The following CCSER1 variants were observed in gnomAD, a reference collection of about 807,000 sequenced individuals.
CCSER1 encodes coiled-coil serine rich protein 1, also known as serine-rich coiled-coil domain-containing protein 1.
In CCSER1, 41 loss-of-function variants were observed where a neutral mutation model predicts 82.0. The ratio of observed to expected loss-of-function variants is 0.50; its 90% confidence interval spans 0.39 to 0.65. The LOEUF (loss-of-function observed/expected upper bound fraction) is 0.65. CCSER1 is among the 30% of genes least tolerant of loss of function. CCSER1 has a pLI of 0.00. For synonymous variants in CCSER1, 414 were observed against 383.9 expected (o/e 1.08, Z -0.92); for missense variants, 1,119 against 1,064.2 (o/e 1.05, Z -0.72).
At chr4:91,483,474 C>T (rs1758054449) in intron 10 of CCSER1, among the ~76,000 whole-genome samples, 1 of 151,408 alleles carries the variant, frequency 6.6e-6, no homozygotes, top group African/African-American at 2.4e-5. Flanking sequence ...CTTGCTCTGT[C>T]ACCCAGGTTG....
At chr4:91,397,596 G>A (rs1329744249) in intron 10 of CCSER1, among the ~76,000 whole-genome samples, 1 of 151,830 alleles carries the variant, frequency 6.6e-6, no homozygotes, top group Admixed American at 6.6e-5. Context: ...TAAAGAGCAG[G>A]TATCATGATT....
intron 10 of CCSER1, among the ~76,000 whole-genome samples, chr4:91,318,569 A>G (rs1302208028): frequency 6.6e-6 from 1 of 152,036 alleles, no homozygotes; most frequent in East Asian, 1.9e-4. Context: ...TTAACCAAAT[A>G]AGATTATTGT....
At chr4:90,159,202 TTTATTA>T (rs960867070) in intron 1 of CCSER1, among the ~76,000 whole-genome samples, 1 of 151,538 alleles carries the variant, frequency 6.6e-6, no homozygotes, top group Non-Finnish European at 1.5e-5. Context: ...ACTGGTTAAT[TTTATTA>T]TTATTATTAT....
At chr4:91,450,313 A>C (rs1228420396) in intron 10 of CCSER1, among the ~76,000 whole-genome samples, 1 of 152,086 alleles carries the variant, frequency 6.6e-6, no homozygotes, top group Non-Finnish European at 1.5e-5. Flanking sequence ...AACCATCAAA[A>C]CAAGCATGAC....
At chr4:91,408,107 T>G (rs1162981471) in intron 10 of CCSER1, among the ~76,000 whole-genome samples, 2 of 151,878 alleles carry the variant, frequency 1.3e-5, no homozygotes, top group Non-Finnish European at 2.9e-5. Context: ...ATGTCTAGAG[T>G]ACAACAGCCT....
chr4:91,325,188 A>T (rs1183138550), intron 10 of CCSER1: 2 of 456,036 alleles, frequency 4.4e-6, no homozygotes, highest in Non-Finnish European at 8.8e-6. Context: ...TCACCAGCAT[A>T]GTAGGTGGCT....
At chr4:91,218,610 T>C (rs539761114) in intron 10 of CCSER1, among the ~76,000 whole-genome samples, 1 of 152,356 alleles carries the variant, frequency 6.6e-6, no homozygotes, top group East Asian at 1.9e-4. Context: ...AACACTAGTG[T>C]ACTTTGAGGA....
chr4:91,587,267 C>T (rs1206811237), intron 10 of CCSER1, among the ~76,000 whole-genome samples: 2 of 151,768 alleles, frequency 1.3e-5, no homozygotes, highest in Non-Finnish European at 2.9e-5. Flanking sequence ...ATAATTCCAA[C>T]ATCAGGACCT....
intron 8 of CCSER1, among the ~76,000 whole-genome samples, chr4:90,875,853 A>C (rs1435185598): frequency 6.6e-6 from 1 of 152,184 alleles, no homozygotes; most frequent in East Asian, 1.9e-4. Flanking sequence ...AGCATTCTGC[A>C]GAATATAGTT....
chr4:90,951,121 A>T (rs1732867160), intron 9 of CCSER1: 1 of 152,124 alleles, frequency 6.6e-6, no homozygotes, highest in Non-Finnish European at 1.5e-5. Flanking sequence ...CAGGAGCGTT[A>T]ACGTCATGAA....
intron 10 of CCSER1, among the ~76,000 whole-genome samples, chr4:91,253,024 A>AC (rs1740377533): frequency 6.6e-6 from 1 of 152,176 alleles, no homozygotes; most frequent in East Asian, 1.9e-4. Context: ...CTAAAAAAAA[A>AC]AAGAGGGTGA....
chr4:90,304,769 G>A (rs530057594), intron 1 of CCSER1, among the ~76,000 whole-genome samples: 32 of 151,706 alleles, frequency 2.1e-4, no homozygotes, highest in South Asian at 4.2e-4. Context: ...TGCACATTGC[G>A]CACATGTACC....
intron 3 of CCSER1, among the ~76,000 whole-genome samples, chr4:90,386,941 G>C (rs1195726817): frequency 6.6e-6 from 1 of 151,972 alleles, no homozygotes; most frequent in Non-Finnish European, 1.5e-5. Context: ...GAAATGATCT[G>C]TTCATTTGTT....
intron 5 of CCSER1, among the ~76,000 whole-genome samples, chr4:90,541,302 A>G (rs980775865): frequency 1.3e-4 from 20 of 152,098 alleles, no homozygotes; most frequent in African/African-American, 2.9e-4. Context: ...TCTCTCTACC[A>G]TTCGCTACTG....
At chr4:90,791,636 G>T (rs1755248015) in intron 7 of CCSER1, among the ~76,000 whole-genome samples, 1 of 152,080 alleles carries the variant, frequency 6.6e-6, no homozygotes, top group African/African-American at 2.4e-5. Flanking sequence ...GGATCACGAG[G>T]TCAGGAGATC....
chr4:91,325,836 A>G (rs926199275), intron 10 of CCSER1, among the ~76,000 whole-genome samples: 2 of 152,220 alleles, frequency 1.3e-5, no homozygotes, highest in Admixed American at 6.5e-5. Context: ...TTAAATATTT[A>G]TAACTTACAC....
At chr4:91,036,086 C>G (rs942384665) in intron 9 of CCSER1, among the ~76,000 whole-genome samples, 1 of 152,130 alleles carries the variant, frequency 6.6e-6, no homozygotes, top group Admixed American at 6.6e-5. Context: ...GCAGATGCTT[C>G]ATTGTCAAAG....
At chr4:90,422,236 A>C (rs1312599444) in intron 4 of CCSER1, among the ~76,000 whole-genome samples, 1 of 152,180 alleles carries the variant, frequency 6.6e-6, no homozygotes, top group South Asian at 2.1e-4. Context: ...GATTATTATC[A>C]GGGTTTGTGT....
intron 10 of CCSER1, among the ~76,000 whole-genome samples, chr4:91,536,955 A>T (rs1222843798): frequency 6.6e-6 from 1 of 152,052 alleles, no homozygotes; most frequent in Non-Finnish European, 1.5e-5. Flanking sequence ...TAATCACTGG[A>T]ATCCCTGGGA....
Sources: allele counts gnomAD v4.1 joint callset (sites outside exome capture counted in the v4.1 genomes callset), GRCh38; gene constraint gnomAD v4.1.1; transcripts MANE v1.5; gene names NCBI Gene and HGNC (gene_info 2026-07-23, HGNC 2026-07-21).